The following DEPTOR variants were observed in gnomAD, a reference collection of about 807,000 sequenced individuals.
The protein encoded by DEPTOR is DEP domain-containing mTOR-interacting protein.
Under a neutral mutation model 41.6 loss-of-function variants are expected in DEPTOR, and 41 were observed. The observed-to-expected ratio is 0.98, with a 90% confidence interval of 0.77 to 1.28. The LOEUF is 1.28. Ranked by LOEUF, DEPTOR falls within the 50% of genes most tolerant of loss-of-function variation. The pLI, the probability that DEPTOR is intolerant of heterozygous loss-of-function variation, is 0.00. For synonymous variants in DEPTOR, 195 were observed against 192.3 expected (o/e 1.01, Z -0.12); for missense variants, 514 against 527.9 (o/e 0.97, Z 0.26).
Position 119,999,968 on chromosome 8 carries a change from G to A in DEPTOR, c.605-1557G>A, listed in dbSNP as rs535443917. Reference sequence around the variant, plus strand: ...CATGCACACTCACACACACAAATCAGTGCATGTAAAAGCTGGTGACATCTG... The same window carrying A: ...CATGCACACTCACACACACAAATCAATGCATGTAAAAGCTGGTGACATCTG... On this transcript the variant is annotated intron_variant, in intron 4 of 8. Coordinates refer to ENST00000286234, the MANE Select transcript of DEPTOR (RefSeq NM_022783.4). 2.6e-5 allele frequency among the ~76,000 whole-genome samples: 4 copies of A among 152,216 alleles called. No homozygotes were observed. The East Asian group carries it at 7.7e-4, about 29-fold the overall frequency.
chr8:119,923,893 C>CTTTTCTTTTTTTTTTTTTTTT (rs1554673843), intron 1 of DEPTOR, among the ~76,000 whole-genome samples: 1 of 104,980 alleles, frequency 9.5e-6, no homozygotes, highest in African/African-American at 3.0e-5. Context: ...TTTTTTCTTT[C>CTTTTCTTTTTTTTTTTTTTTT]TTTTTTTTTT....
intron 8 of DEPTOR, among the ~76,000 whole-genome samples, chr8:120,046,329 C>T (rs1304218093): frequency 6.6e-6 from 1 of 151,952 alleles, no homozygotes; most frequent in Non-Finnish European, 1.5e-5. Flanking sequence ...ACCCCGTACC[C>T]ATTACCAACC....
At chr8:119,893,775 C>CA (rs60136125) in intron 1 of DEPTOR, among the ~76,000 whole-genome samples, 106,066 of 149,032 alleles carry the variant, frequency 0.71, 37,947 homozygotes, top group East Asian at 0.94. Flanking sequence ...GACTCCGTCT[C>CA]AAAAAAAAAA....
chr8:119,947,982 C>CA (rs1828304532), intron 3 of DEPTOR, among the ~76,000 whole-genome samples: 1 of 152,172 alleles, frequency 6.6e-6, no homozygotes. Flanking sequence ...TGCATTTGTA[C>CA]TTGCTCCTTG....
chr8:120,002,890 C>T, intron 5 of DEPTOR, 87 bp from the exon 6 acceptor site: 2 of 1,486,172 alleles, frequency 1.3e-6, no homozygotes, highest in South Asian at 2.7e-5. Context: ...CTCCTGGCCC[C>T]TCTGGACCTT....
At chr8:119,984,423 C>A (rs1406977669) in intron 4 of DEPTOR, among the ~76,000 whole-genome samples, 1 of 152,098 alleles carries the variant, frequency 6.6e-6, no homozygotes, top group African/African-American at 2.4e-5. Context: ...CCCCTAACTC[C>A]CCACCCACCA....
chr8:119,924,346 C>G (rs11984773), intron 1 of DEPTOR, among the ~76,000 whole-genome samples: 31,865 of 151,536 alleles, frequency 0.21, 3,509 homozygotes, highest in Middle Eastern at 0.34. Context: ...TTGCACCTAT[C>G]TTTCCCCAAC....
chr8:119,886,396 G>A (rs928916888), intron 1 of DEPTOR, among the ~76,000 whole-genome samples: 2 of 152,014 alleles, frequency 1.3e-5, no homozygotes, highest in Non-Finnish European at 2.9e-5. Flanking sequence ...CGGTGGGATT[G>A]TAGCCAGGGG....
At chr8:120,006,985 C>A in intron 7 of DEPTOR, 110 bp downstream of exon 7, 2 of 1,111,244 alleles carry the variant, frequency 1.8e-6, no homozygotes, top group South Asian at 3.0e-5. Context: ...TTCTAATTTT[C>A]TTTTTGTTTT....
intron 3 of DEPTOR, among the ~76,000 whole-genome samples, chr8:119,936,770 T>C (rs1217253561): frequency 6.6e-6 from 1 of 152,224 alleles, no homozygotes; most frequent in Non-Finnish European, 1.5e-5. Flanking sequence ...ACACCTGTTA[T>C]CCCAGCACTT....
chr8:119,996,466 T>C (rs560753355), intron 4 of DEPTOR, among the ~76,000 whole-genome samples: 1 of 152,308 alleles, frequency 6.6e-6, no homozygotes, highest in Non-Finnish European at 1.5e-5. Context: ...ACCTGTTCTA[T>C]TGGGGAGAGA....
intron 1 of DEPTOR, among the ~76,000 whole-genome samples, chr8:119,921,664 A>T (rs1055444629): frequency 6.6e-6 from 1 of 152,084 alleles, no homozygotes; most frequent in Non-Finnish European, 1.5e-5. Flanking sequence ...CTTGCAGGGA[A>T]TTGGTGGAAA....
chr8:119,909,520 C>G (rs1309944304), intron 1 of DEPTOR, among the ~76,000 whole-genome samples: 3 of 152,260 alleles, frequency 2.0e-5, no homozygotes, highest in South Asian at 2.1e-4. Flanking sequence ...TAGAAAGTTA[C>G]AGAGAGAAAA....
At chr8:119,936,336 T>C (rs981542806) in intron 3 of DEPTOR, among the ~76,000 whole-genome samples, 1 of 152,188 alleles carries the variant, frequency 6.6e-6, no homozygotes, top group Admixed American at 6.5e-5. Flanking sequence ...ATTTGTTGAA[T>C]GAACAAAGGG....
At chr8:119,887,321 T>C (rs1323511133) in intron 1 of DEPTOR, among the ~76,000 whole-genome samples, 3 of 129,244 alleles carry the variant, frequency 2.3e-5, no homozygotes, top group Non-Finnish European at 4.9e-5. Context: ...ATTACAGGCA[T>C]GCAACACCAT....
chr8:119,950,754 C>T (rs1036405643), intron 3 of DEPTOR, among the ~76,000 whole-genome samples: 2 of 152,066 alleles, frequency 1.3e-5, no homozygotes, highest in Admixed American at 6.6e-5. Context: ...ACCACTATGC[C>T]CAGCTAATTA....
chr8:119,941,109 G>A (rs989011886), intron 3 of DEPTOR, among the ~76,000 whole-genome samples: 4 of 151,650 alleles, frequency 2.6e-5, no homozygotes, highest in Non-Finnish European at 5.9e-5. Context: ...CGTGGTGGCA[G>A]ATGCCTGTAA....
intron 3 of DEPTOR, among the ~76,000 whole-genome samples, chr8:119,934,703 C>T (rs371375452): frequency 2.0e-4 from 31 of 152,316 alleles, no homozygotes; most frequent in East Asian, 7.7e-4. Context: ...AATATAAATA[C>T]GTGACACCTA....
At chr8:119,933,948 C>T (rs574644125) in intron 3 of DEPTOR, among the ~76,000 whole-genome samples, 3 of 152,034 alleles carry the variant, frequency 2.0e-5, no homozygotes, top group African/African-American at 7.2e-5. Context: ...GGCATGATCT[C>T]GGCTCACTAC....
Sources: gnomAD v4.1 joint callset for allele counts (sites outside exome capture counted in the v4.1 genomes callset) on GRCh38, gnomAD v4.1.1 for gene constraint, MANE v1.5 for transcripts, NCBI Gene and HGNC (gene_info 2026-07-23, HGNC 2026-07-21) for gene names.